The following ARL6 variants were observed in gnomAD, a reference collection of about 807,000 sequenced individuals.
The protein encoded by ARL6 is ARF like GTPase 6.
A neutral mutation model predicts 27.1 loss-of-function variants in ARL6; 18 were observed. The ratio of observed to expected loss-of-function variants is 0.66; its 90% CI spans 0.46 to 0.98. The LOEUF is 0.98. ARL6 is among the 50% of genes least tolerant of loss of function. ARL6 has a pLI of 0.00. For synonymous variants in ARL6, 65 were observed against 72.3 expected, an observed-to-expected ratio of 0.90 and a Z score of 0.51; for missense variants, 187 against 214.9, an observed-to-expected ratio of 0.87 and a Z score of 0.81.
chr3:97,784,500 G>A (rs1178730193), intron 4 of ARL6, among the ~76,000 whole-genome samples: 1 of 150,144 alleles, frequency 6.7e-6, no homozygotes, highest in African/African-American at 2.4e-5. Flanking sequence ...AAAAATCAAG[G>A]AAATTTACAT....
chr3:97,796,827 A>C (rs1197442182), intron 7 of ARL6, among the ~76,000 whole-genome samples: 2 of 152,180 alleles, frequency 1.3e-5, no homozygotes, highest in East Asian at 3.8e-4. Flanking sequence ...GAAGAGTCCA[A>C]GGAGGGAATA....
intron 4 of ARL6, among the ~76,000 whole-genome samples, chr3:97,781,299 A>G (rs75074437): frequency 0.014 from 2,097 of 145,052 alleles, 49 homozygotes; most frequent in African/African-American, 0.053. Flanking sequence ...AGCATATGCA[A>G]GTCAAGTGCT....
At chr3:97,780,718 G>T in intron 4 of ARL6, 35 bp downstream of exon 4, 2 of 1,473,738 alleles carry the variant, frequency 1.4e-6, no homozygotes, top group Non-Finnish European at 9.5e-7. Context: ...TAACTAGATG[G>T]TTTTTACTAA....
intron 2 of ARL6, among the ~76,000 whole-genome samples, chr3:97,776,399 G>A (rs6787237): frequency 0.08 from 12,235 of 152,012 alleles, 1,562 homozygotes; most frequent in African/African-American, 0.28. Context: ...CAGCCACTCT[G>A]TGTCTTCTAA....
intron 7 of ARL6, among the ~76,000 whole-genome samples, chr3:97,794,941 A>G (rs906647125): frequency 6.6e-5 from 10 of 152,114 alleles, no homozygotes; most frequent in Admixed American, 6.5e-4. Context: ...ACAGAAAATT[A>G]GCCAGGCGTG....
intron 5 of ARL6, among the ~76,000 whole-genome samples, chr3:97,786,333 C>CAA (rs746671505): frequency 7.5e-6 from 1 of 133,812 alleles, no homozygotes. Flanking sequence ...GACTCTGTCT[C>CAA]AAAAAAAAAA....
chr3:97,785,133 A>G (rs550204840), intron 5 of ARL6, 84 bp downstream of exon 5: 26 of 1,008,514 alleles, frequency 2.6e-5, no homozygotes, highest in South Asian at 2.2e-4. Flanking sequence ...TGCTTATACT[A>G]TGTAATTATC....
In ARL6 at chr3:97,795,347, G is replaced by A. The variant is rs185047758; in HGVS notation, c.536-2677G>A. ...AATCTTCCCAAATAACTAATAAAGT[G>A]TATTCATTTTATTGCTTTGTCTGCA... On this transcript the variant is annotated intron_variant, in intron 7 of 7. Coordinates refer to ENST00000463745, the MANE Select transcript of ARL6 (RefSeq NM_001278293.3). 1.4e-4 allele frequency among the ~76,000 whole-genome samples: 21 copies of A among 152,244 alleles called. No individual in the cohort carries two copies. The East Asian group carries it at 3.5e-3, about 25-fold the overall frequency.
rs1329051611 is a variant in ARL6 at position 97,798,705 on chromosome 3, T to C, written c.*656T>C. 1.3e-5 allele frequency: 2 copies of C among 152,134 alleles called. No homozygotes were observed. Among genetic ancestry groups the C allele is most frequent in the Non-Finnish European group, 2.9e-5 (2 of 67,990 alleles). 9.4% of individuals were successfully genotyped at this position (152,134 alleles called of 1,614,324 possible). ...ACTAGTCAGACATAGTCCTAGGCAA[T>C]GATGTTACGAGGTAAATAAGACATA... On this transcript the variant is annotated 3_prime_UTR_variant, in exon 8 of 8. Coordinates refer to ENST00000463745, the MANE Select transcript of ARL6 (RefSeq NM_001278293.3).
chr3:97,768,144 C>T lies in ARL6; in HGVS notation c.37C>T (p.Leu13=), dbSNP rs2036472265. 6.2e-7 allele frequency: 1 copy of T among 1,612,862 alleles called. No individual in the cohort carries two copies. Among genetic ancestry groups the T allele is most frequent in the Non-Finnish European group, 8.5e-7 (1 of 1,179,148 alleles). ...LLDRLSVLLG[L]KKKEVHVLCL... Reference sequence around the variant, plus strand: ...AGACAGACTTTCAGTCTTGCTTGGCCTGAAGAAGAAGGAGGTTCATGTTTT... The same window carrying T: ...AGACAGACTTTCAGTCTTGCTTGGCTTGAAGAAGAAGGAGGTTCATGTTTT... The change falls in exon 2 of 8, where the codon CTG becomes TTG. Residue 13 remains leucine (L), a synonymous_variant. Coordinates refer to ENST00000463745, the MANE Select transcript of ARL6 (RefSeq NM_001278293.3).
At chr3:97,774,502 G>C (rs1034520835) in intron 2 of ARL6, among the ~76,000 whole-genome samples, 15 of 152,194 alleles carry the variant, frequency 9.9e-5, no homozygotes, top group East Asian at 9.7e-4. Context: ...CAGCATGGGT[G>C]GGGGAGGGGA....
chr3:97,771,764 A>G (rs1274112893), intron 2 of ARL6, among the ~76,000 whole-genome samples: 10 of 152,130 alleles, frequency 6.6e-5, no homozygotes, highest in Admixed American at 5.9e-4. Context: ...AATTTTATCA[A>G]AAGTTTTTTC....
chr3:97,772,221 A>T lies in ARL6; in HGVS notation c.123+3991A>T, dbSNP rs78037277. 6.4e-3 allele frequency among the ~76,000 whole-genome samples: 981 copies of T among 152,236 alleles called. 8 individuals carry two copies. Among genetic ancestry groups the T allele is most frequent in the African/African-American group, 0.022 (897 of 41,536 alleles). On this transcript the variant is annotated intron_variant, in intron 2 of 7. Coordinates refer to ENST00000463745, the MANE Select transcript of ARL6 (RefSeq NM_001278293.3). ...CTCCTTACTCATTATTGGCCTGTTC[A>T]GGTATTTTATTTTTCCATAGTTCAA...
chr3:97,788,165 A>G (rs753213424), intron 6 of ARL6, 46 bp downstream of exon 6: 2 of 1,590,188 alleles, frequency 1.3e-6, no homozygotes, highest in East Asian at 2.2e-5. Flanking sequence ...TGAAAAATAT[A>G]CAAGCTTCAG....
intron 2 of ARL6, among the ~76,000 whole-genome samples, chr3:97,779,659 G>A (rs1250179312): frequency 6.6e-6 from 1 of 152,150 alleles, no homozygotes; most frequent in Admixed American, 6.5e-5. Context: ...AAGGTTAGGA[G>A]ATCGAGACCA....
At position 97,800,867 on chromosome 3, in the gene ARL6, A is replaced by C. The variant is rs2038227892; in HGVS notation, c.*2818A>C. The C allele has an allele frequency of 6.6e-6, 1 of 152,174 alleles. No homozygotes were observed. Among genetic ancestry groups the C allele is most frequent in the Non-Finnish European group, 1.5e-5 (1 of 68,040 alleles). 9.4% of individuals were successfully genotyped at this position (152,174 alleles called of 1,614,324 possible). A position where few individuals can be genotyped will look rare whatever the true frequency, so the allele number is the denominator to read the frequency against. ...CATCTTCTTGTATCCTCACATGGCCAAAAGAGGACAAGAGAACTCTCTGGA... is the reference window on the plus strand; with the variant it reads ...CATCTTCTTGTATCCTCACATGGCCCAAAGAGGACAAGAGAACTCTCTGGA... On this transcript the variant is annotated 3_prime_UTR_variant, in exon 8 of 8. Transcript: ENST00000463745.
intron 6 of ARL6, among the ~76,000 whole-genome samples, chr3:97,789,741 A>C (rs373738608): frequency 1.3e-5 from 2 of 152,122 alleles, no homozygotes; most frequent in Middle Eastern, 3.4e-3. Flanking sequence ...TTTGTTCTTT[A>C]TTCTTGGCAA....
chr3:97,799,329 A>T lies in ARL6; in HGVS notation c.*1280A>T, dbSNP rs1269734312. On this transcript the variant is annotated 3_prime_UTR_variant, in exon 8 of 8. Coordinates refer to ENST00000463745, the MANE Select transcript of ARL6 (RefSeq NM_001278293.3). ...AGCTACAATAAAAGTTCTATATTCCAGTTTCTTATAGTCCAGAAATAGCAG... is the reference window on the plus strand; with the variant it reads ...AGCTACAATAAAAGTTCTATATTCCTGTTTCTTATAGTCCAGAAATAGCAG... 6.6e-6 allele frequency: 1 copy of T among 152,056 alleles called. No individual in the cohort carries two copies. Among genetic ancestry groups the T allele is most frequent in the East Asian group, 1.9e-4 (1 of 5,196 alleles). 9.4% of individuals were successfully genotyped at this position (152,056 alleles called of 1,614,324 possible).
chr3:97,764,891 C>T lies in ARL6; in HGVS notation c.-114C>T, dbSNP rs2036290876. 1 of 152,236 alleles carries T rather than the reference C, an allele frequency of 6.6e-6. No individual in the cohort carries two copies. The highest frequency in any genetic ancestry group is 6.5e-5 in the Admixed American group (1 of 15,280). The allele number at this position is 152,236 out of a possible 1,614,324, so 9.4% of individuals were successfully genotyped here. On this transcript the variant is annotated 5_prime_UTR_variant, in exon 1 of 8. Transcript: ENST00000463745. ...CGAGAAGAAGGCTGAGGGACCCTCG[C>T]ACCAGATTTCCATCCCGGAGACCGA...
Sources: gnomAD v4.1 joint callset for allele counts (sites outside exome capture counted in the v4.1 genomes callset) on GRCh38, gnomAD v4.1.1 for gene constraint, MANE v1.5 for transcripts, NCBI Gene and HGNC (gene_info 2026-07-23, HGNC 2026-07-21) for gene names.